Variants in RAD50 observed in about 807,000 individuals in gnomAD.
RAD50 encodes the protein RAD50 double strand break repair protein, also known as DNA repair protein RAD50.
Under a neutral mutation model 168.8 loss-of-function variants are expected in RAD50, and 132 were observed. The ratio of observed to expected loss-of-function variants is 0.78; its 90% confidence interval spans 0.68 to 0.90. The LOEUF (loss-of-function observed/expected upper bound fraction) is 0.90, where lower values mean the gene tolerates loss of function less well. RAD50 is among the 40% of genes least tolerant of loss of function. The probability of loss-of-function intolerance (pLI) is 0.00; values close to 1 mark genes in which losing one functional copy is unlikely to be tolerated. For synonymous variants in RAD50, 525 were observed against 497.4 expected (o/e 1.06, Z -0.74); for missense variants, 1,347 against 1,534.4 (o/e 0.88, Z 2.04).
At chr5:132,608,166 G>C (rs1017859532) in intron 16 of RAD50, among the ~76,000 whole-genome samples, 7 of 152,202 alleles carry the variant, frequency 4.6e-5, no homozygotes, top group Non-Finnish European at 7.4e-5. Flanking sequence ...ATCTGAAAAA[G>C]AAAAGTCTGG....
rs567516881 is a variant in RAD50 at position 132,564,370 on chromosome 5, G to A, written c.213+5003G>A. On this transcript the variant is annotated intron_variant, in intron 2 of 24. Coordinates refer to ENST00000378823, the MANE Select transcript of RAD50 (RefSeq NM_005732.4). ...GAACTGGAGTAAAGGTCACTCTTGC[G>A]ATGCTTTAGCAAAGAGACTGGCAGC... Among the ~76,000 whole-genome samples, 3 of 152,334 alleles carry A rather than the reference G, an allele frequency of 2.0e-5. No individual in the cohort carries two copies. In the South Asian group the frequency reaches 6.2e-4, roughly 32 times the overall value.
intron 1 of RAD50, among the ~76,000 whole-genome samples, chr5:132,558,377 T>C (rs149727881): frequency 1.3e-5 from 2 of 152,298 alleles, no homozygotes; most frequent in Admixed American, 1.3e-4. Flanking sequence ...ACCTCACTGC[T>C]CTGTGCCTTA....
intron 2 of RAD50, among the ~76,000 whole-genome samples, chr5:132,575,369 A>G (rs543159923): frequency 6.6e-6 from 1 of 152,332 alleles, no homozygotes; most frequent in Admixed American, 6.5e-5. Context: ...ACCTGTCCCC[A>G]TGATTCAATT....
At chr5:132,582,733 A>T (rs1185924196) in intron 5 of RAD50, among the ~76,000 whole-genome samples, 1 of 151,526 alleles carries the variant, frequency 6.6e-6, no homozygotes, top group African/African-American at 2.4e-5. Flanking sequence ...TTGATAGCCC[A>T]GCTGCTCTAT....
chr5:132,562,919 CAA>C (rs752757237), intron 2 of RAD50, among the ~76,000 whole-genome samples: 5 of 152,172 alleles, frequency 3.3e-5, no homozygotes, highest in East Asian at 1.9e-4. Context: ...TCTTGGAAGA[CAA>C]GAGAATAAAG....
In RAD50 at chr5:132,637,175, G is replaced by C. The variant is rs1751597761; in HGVS notation, c.3450G>C (p.Leu1150=). 1.2e-6 allele frequency: 2 copies of C among 1,612,258 alleles called. No individual in the cohort carries two copies. Among genetic ancestry groups the C allele is most frequent in the East Asian group, 2.2e-5 (1 of 44,766 alleles). ...AAATCAATAAAATTATACGTGACCT[G>C]TGGCGAAGTACCTATCGTGGACAAG... The part of the protein sequence containing the change: ...MEEINKIIRD[L]WRSTYRGQDI... The change falls in exon 22 of 25, where the codon CTG becomes CTC. Residue 1150 remains leucine, a synonymous_variant. Transcript: ENST00000378823.
chr5:132,587,539 A>G, intron 5 of RAD50, 23 bp from the exon 6 acceptor site: 1 of 1,611,040 alleles, frequency 6.2e-7, no homozygotes, highest in African/African-American at 1.3e-5. Context: ...AGTTTTATTT[A>G]TGTAATGTTT....
chr5:132,570,190 AC>A (rs1305019781), intron 2 of RAD50, among the ~76,000 whole-genome samples: 12 of 152,216 alleles, frequency 7.9e-5, no homozygotes. Context: ...GAAGGCATCC[AC>A]AAAAACAAGC....
chr5:132,592,544 G>A (rs1014254941), intron 11 of RAD50, among the ~76,000 whole-genome samples: 13 of 152,162 alleles, frequency 8.5e-5, no homozygotes, highest in Non-Finnish European at 1.6e-4. Flanking sequence ...AAGCTTTCCT[G>A]GGCATTTTTC....
At chr5:132,622,586 A>C (rs1390730506) in intron 21 of RAD50, among the ~76,000 whole-genome samples, 1 of 152,146 alleles carries the variant, frequency 6.6e-6, no homozygotes, top group African/African-American at 2.4e-5. Context: ...TGCCAGGCTT[A>C]TGATGTATTT....
intron 19 of RAD50, among the ~76,000 whole-genome samples, chr5:132,609,914 TCTC>T (rs898242046): frequency 9.9e-5 from 15 of 152,038 alleles, no homozygotes; most frequent in South Asian, 2.1e-4. Flanking sequence ...TTCCTCCCCT[TCTC>T]CTAATTCTCA....
rs999933308 is a variant in RAD50 at position 132,640,582 on chromosome 5, T to G, written c.3619-90T>G. On this transcript the variant is annotated intron_variant, in intron 23 of 24. Coordinates refer to ENST00000378823, the MANE Select transcript of RAD50 (RefSeq NM_005732.4). ...GTGAACCTGTGACGTTTCCCACTTT[T>G]CCCTGCTGAAAAGATCATGTCAGGA... 1.4e-5 allele frequency: 22 copies of G among 1,574,284 alleles called. No homozygotes were observed. The Admixed American group carries it at 3.7e-4, about 26-fold the overall frequency.
intron 2 of RAD50, among the ~76,000 whole-genome samples, chr5:132,561,055 A>G (rs1044836160): frequency 2.0e-5 from 3 of 152,190 alleles, no homozygotes; most frequent in African/African-American, 4.8e-5. Context: ...ATTCTCATTA[A>G]CATCTTGTCA....
intron 21 of RAD50, among the ~76,000 whole-genome samples, chr5:132,635,935 G>T (rs1265519778): frequency 2.0e-5 from 3 of 152,116 alleles, no homozygotes; most frequent in Non-Finnish European, 4.4e-5. Context: ...GCAGAATATG[G>T]TTTTTTCCAG....
Position 132,595,628 on chromosome 5 carries a change from C to T in RAD50, c.2025C>T (p.Asp675=), listed in dbSNP as rs34147298. The T allele has an allele frequency of 4.5e-3, 7,203 of 1,613,994 alleles. 315 individuals are homozygous for T. In the African/African-American group the frequency reaches 0.085, roughly 19 times the overall value. The change falls in exon 13 of 25, where the codon GAC becomes GAT. Residue 675 remains aspartate, a synonymous_variant. Coordinates refer to ENST00000378823, the MANE Select transcript of RAD50 (RefSeq NM_005732.4). ...CCCAGTTCATTACTCAGCTAACAGA[C>T]GAAAACCAGTCATGTTGCCCCGTTT... The part of the protein sequence containing the change: ...VYSQFITQLT[D]ENQSCCPVCQ...
chr5:132,581,634 T>C (rs1240868532), intron 5 of RAD50, among the ~76,000 whole-genome samples: 1 of 152,182 alleles, frequency 6.6e-6, no homozygotes, highest in Non-Finnish European at 1.5e-5. Flanking sequence ...TATTTACCTT[T>C]ACAAGCTTAA....
intron 2 of RAD50, among the ~76,000 whole-genome samples, chr5:132,573,381 T>G (rs1580983579): frequency 6.6e-6 from 1 of 151,952 alleles, no homozygotes. Flanking sequence ...GCAGGAAAAT[T>G]CCCCCTTATA....
Position 132,587,921 on chromosome 5 carries a change from C to CCAA in RAD50, c.886-3_886-2insCAA. ...TAAAGCTTTTTATTTTGGTGTTACACAGGTTTTTCAAGGGACTGATGAGCA... is the reference window on the plus strand; with the variant it reads ...TAAAGCTTTTTATTTTGGTGTTACACCAAAGGTTTTTCAAGGGACTGATGAGCA... On this transcript the variant is annotated splice_polypyrimidine_tract_variant and splice_region_variant and intron_variant, in intron 6 of 24. Transcript: ENST00000378823. The CCAA allele has an allele frequency of 6.2e-7, 1 of 1,612,164 alleles. No individual in the cohort carries two copies.
At chr5:132,626,984 G>T (rs377617532) in intron 21 of RAD50, among the ~76,000 whole-genome samples, 44 of 152,134 alleles carry the variant, frequency 2.9e-4, no homozygotes, top group African/African-American at 1.1e-3. Flanking sequence ...GGGTTCAAGC[G>T]ATTCTCATGC....
Sources: allele counts gnomAD v4.1 joint callset (sites outside exome capture counted in the v4.1 genomes callset), GRCh38; gene constraint gnomAD v4.1.1; transcripts MANE v1.5; gene names NCBI Gene and HGNC (gene_info 2026-07-23, HGNC 2026-07-21).